Variants in SPMIP3 observed in about 807,000 individuals in gnomAD.
SPMIP3 encodes the protein protein SPMIP3.
At chr1:244,367,211 G>A in the SPMIP3 span, among the ~76,000 whole-genome samples, 4 of 152,138 alleles carry the variant, frequency 2.6e-5, no homozygotes, top group Non-Finnish European at 4.4e-5. Context: ...AGAAGTTCCC[G>A]GAGGGCTTTG....
the SPMIP3 span, among the ~76,000 whole-genome samples, chr1:244,382,660 G>A: frequency 7.3e-6 from 1 of 137,744 alleles, no homozygotes; most frequent in African/African-American, 2.7e-5. Context: ...CTGGAGTGCA[G>A]TGGCGCAATC....
At chr1:244,356,649 A>C in the SPMIP3 span, among the ~76,000 whole-genome samples, 1 of 152,196 alleles carries the variant, frequency 6.6e-6, no homozygotes, top group Non-Finnish European at 1.5e-5. Flanking sequence ...GAATCCTCCT[A>C]GGAGCCATGA....
At chr1:244,362,373 G>A in the SPMIP3 span, among the ~76,000 whole-genome samples, 1 of 152,280 alleles carries the variant, frequency 6.6e-6, no homozygotes, top group South Asian at 2.1e-4. Flanking sequence ...TCCAGCCCTG[G>A]TTCCTTGGTA....
At chr1:244,355,195 A>G in the SPMIP3 span, among the ~76,000 whole-genome samples, 1 of 152,214 alleles carries the variant, frequency 6.6e-6, no homozygotes, top group Non-Finnish European at 1.5e-5. Context: ...ATAAACTAAC[A>G]GTAATCATGA....
At chr1:244,376,528 T>G in the SPMIP3 span, 41 of 152,302 alleles carry the variant, frequency 2.7e-4, no homozygotes, top group African/African-American at 9.6e-4. Context: ...CAGTCAAAAA[T>G]GGAATGATTG....
At chr1:244,369,037 T>G in the SPMIP3 span, among the ~76,000 whole-genome samples, 2,549 of 152,230 alleles carry the variant, frequency 0.017, 71 homozygotes, top group African/African-American at 0.058. Context: ...CACACACCTG[T>G]AGTCCCAGCC....
the SPMIP3 span, among the ~76,000 whole-genome samples, chr1:244,377,163 C>T: frequency 6.6e-6 from 1 of 150,628 alleles, no homozygotes; most frequent in Non-Finnish European, 1.5e-5. Flanking sequence ...TCGCTGTCTC[C>T]CAGGCTGGAC....
At chr1:244,370,975 G>A in the SPMIP3 span, among the ~76,000 whole-genome samples, 2 of 152,192 alleles carry the variant, frequency 1.3e-5, no homozygotes, top group African/African-American at 4.8e-5. Context: ...TGTAGAGGAT[G>A]AGCCCCAGCA....
At chr1:244,379,448 CT>C in the SPMIP3 span, among the ~76,000 whole-genome samples, 8 of 152,098 alleles carry the variant, frequency 5.3e-5, no homozygotes, top group Non-Finnish European at 1.0e-4. Flanking sequence ...TCAAGCAATC[CT>C]CCTGCCTCAG....
chr1:244,368,883 G>A, the SPMIP3 span, among the ~76,000 whole-genome samples: 73 of 152,296 alleles, frequency 4.8e-4, no homozygotes, highest in Middle Eastern at 0.017. Context: ...CATATTGGCC[G>A]GGTGCGGTGG....
At chr1:244,365,642 C>T in the SPMIP3 span, among the ~76,000 whole-genome samples, 1 of 152,178 alleles carries the variant, frequency 6.6e-6, no homozygotes, top group Non-Finnish European at 1.5e-5. Flanking sequence ...GGTGAATTAG[C>T]ATCCAACATA....
chr1:244,389,041 T>C, the SPMIP3 span: 1 of 1,613,590 alleles, frequency 6.2e-7, no homozygotes, highest in Non-Finnish European at 8.5e-7. Flanking sequence ...AGAAGCAGCT[T>C]TGAAAGAAAT....
chr1:244,363,015 TTTGTTG>T, the SPMIP3 span, among the ~76,000 whole-genome samples: 9 of 150,400 alleles, frequency 6.0e-5, no homozygotes, highest in East Asian at 1.9e-4. Flanking sequence ...GGCTTTTTTT[TTTGTTG>T]TTGTATTTTT....
the SPMIP3 span, among the ~76,000 whole-genome samples, chr1:244,373,995 T>C: frequency 2.0e-5 from 3 of 151,938 alleles, no homozygotes; most frequent in Admixed American, 6.6e-5. Flanking sequence ...CACCTGTAAT[T>C]CCAGCTACTC....
the SPMIP3 span, among the ~76,000 whole-genome samples, chr1:244,387,349 T>G: frequency 6.6e-6 from 1 of 152,144 alleles, no homozygotes; most frequent in African/African-American, 2.4e-5. Flanking sequence ...TAGCCTTTGG[T>G]TCCTTGAGCA....
chr1:244,389,308 A>G, the SPMIP3 span: 1 of 326,546 alleles, frequency 3.1e-6, no homozygotes, highest in East Asian at 5.8e-5. Context: ...GATGCTGGCA[A>G]GCTATCTTAC....
chr1:244,378,511 A>G, the SPMIP3 span: 8 of 1,613,764 alleles, frequency 5.0e-6, no homozygotes, highest in East Asian at 4.5e-5. Context: ...AAATATCACT[A>G]TCAGCCTCAA....
chr1:244,367,542 G>A, the SPMIP3 span, among the ~76,000 whole-genome samples: 2 of 152,154 alleles, frequency 1.3e-5, no homozygotes, highest in East Asian at 1.9e-4. Context: ...CGGAGGGTGG[G>A]GGCAACAAGA....
the SPMIP3 span, chr1:244,364,893 T>C: frequency 1.1e-6 from 1 of 936,934 alleles, no homozygotes; most frequent in Admixed American, 2.2e-5. Context: ...CTTTGGATAT[T>C]TCCTGATGAG....
Sources: gnomAD v4.1 joint callset for allele counts (sites outside exome capture counted in the v4.1 genomes callset) on GRCh38, gnomAD v4.1.1 for gene constraint, MANE v1.5 for transcripts, NCBI Gene and HGNC (gene_info 2026-07-23, HGNC 2026-07-21) for gene names.